ZNF655: variants seen among roughly 807,000 people sequenced by gnomAD.
ZNF655 encodes Vav-interacting Kruppel-like protein 1.
Under a neutral mutation model 6.6 loss-of-function variants are expected in ZNF655, and 3 were observed. That is an observed-to-expected ratio of 0.46 (90% confidence interval 0.21 to 1.18). The LOEUF is 1.18. ZNF655 is among the 50% of genes most tolerant of loss of function. The probability of loss-of-function intolerance (pLI) is 0.24; values close to 1 mark genes in which losing one functional copy is unlikely to be tolerated. For missense variants in ZNF655, 526 were observed against 572.3 expected (o/e 0.92, Z 0.83); for synonymous variants, 178 against 195.0 (o/e 0.91, Z 0.73).
At chr7:99,565,741 T>G (rs769202884) in intron 2 of ZNF655, among the ~76,000 whole-genome samples, 2 of 152,210 alleles carry the variant, frequency 1.3e-5, no homozygotes, top group Non-Finnish European at 2.9e-5. Flanking sequence ...CATGGGTAAG[T>G]GTGGCAGGTG....
intron 2 of ZNF655, chr7:99,571,668 AT>A: frequency 6.3e-7 from 1 of 1,581,382 alleles, no homozygotes; most frequent in East Asian, 2.3e-5. Flanking sequence ...GCCACATCCC[AT>A]TTCCTTCTCT....
chr7:99,561,825 T>A, intron 2 of ZNF655: 2 of 1,190,534 alleles, frequency 1.7e-6, no homozygotes, highest in Non-Finnish European at 2.2e-6. Flanking sequence ...TGGAGAGGCC[T>A]CCTCTGAAAG....
rs1562938902 is a variant in ZNF655, at chr7:99,573,083, C to T, written c.975C>T (p.His325=). 4 of 1,614,132 alleles carry T rather than the reference C, an allele frequency of 2.5e-6. No homozygotes were observed. The highest frequency in any genetic ancestry group is 1.7e-6 in the Non-Finnish European group (2 of 1,179,994). The change falls in exon 3 of 3, where the codon CAC becomes CAT. Residue 325 remains histidine (H), a synonymous_variant. Coordinates refer to ENST00000252713, the MANE Select transcript of ZNF655 (RefSeq NM_138494.3). ...SVHLTQHQKI[H]KEMPCKCTVC... ...ACCTTACTCAACATCAGAAAATTCACAAAGAGATGCCCTGTAAGTGTACTG... is the reference window on the plus strand; with the variant it reads ...ACCTTACTCAACATCAGAAAATTCATAAAGAGATGCCCTGTAAGTGTACTG...
chr7:99,560,587 G>A lies in ZNF655; in HGVS notation c.28G>A (p.Ala10Thr). Residue 10 changes from alanine to threonine, a missense_variant, in exon 2 of 3, where the codon GCA becomes ACA. Transcript: ENST00000252713. MEEIPAQEA[A>T]GSPRVQFQSL... ...GGAGGAAATACCAGCCCAGGAAGCAGCAGGGTCACCAAGGGTCCAGTTTCA... is the reference window on the plus strand; with the variant it reads ...GGAGGAAATACCAGCCCAGGAAGCAACAGGGTCACCAAGGGTCCAGTTTCA... 6.2e-7 allele frequency: 1 copy of A among 1,614,212 alleles called. No individual in the cohort carries two copies. The highest frequency in any genetic ancestry group is 8.5e-7 in the Non-Finnish European group (1 of 1,180,032).
Position 99,573,691 on chromosome 7 carries a change from G to T in ZNF655, c.*107G>T. 1 of 1,310,112 alleles carries T rather than the reference G, an allele frequency of 7.6e-7. No individual in the cohort carries two copies. The highest frequency in any genetic ancestry group is 1.0e-6 in the Non-Finnish European group (1 of 960,314). The allele number at this position is 1,310,112 out of a possible 1,614,324, so 81.2% of individuals were successfully genotyped here. A position where few individuals can be genotyped will look rare whatever the true frequency, so the allele number is the denominator to read the frequency against. ...TGTACTGCATGTGGTAAAGCCTTCA[G>T]TCATAGCTCAGCCATTGCTCAGCAT... On this transcript the variant is annotated 3_prime_UTR_variant, in exon 3 of 3. Coordinates refer to ENST00000252713, the MANE Select transcript of ZNF655 (RefSeq NM_138494.3).
rs997754899 is a variant in ZNF655, at chr7:99,560,402, G to A, written c.-27-131G>A. On this transcript the variant is annotated intron_variant, in intron 1 of 2. Coordinates refer to ENST00000252713, the MANE Select transcript of ZNF655 (RefSeq NM_138494.3). ...CCCATTTTTCTGTTACTTATTTAGGGTGGTTAATCATTATCAACTAATTTT... is the reference window on the plus strand; with the variant it reads ...CCCATTTTTCTGTTACTTATTTAGGATGGTTAATCATTATCAACTAATTTT... The A allele has an allele frequency of 8.9e-6, 8 of 897,080 alleles. No individual in the cohort carries two copies. In the African/African-American group the frequency reaches 1.4e-4, roughly 15 times the overall value. 55.6% of individuals were successfully genotyped at this position (897,080 alleles called of 1,614,324 possible).
Position 99,573,657 on chromosome 7 carries a change from AATC to A in ZNF655, c.*76_*78del. ...CATCTGAGAGTTCACACCAGGGAGA[AATC>A]ATGTATGTACTGCATGTGGTAAAGC... On this transcript the variant is annotated 3_prime_UTR_variant, in exon 3 of 3. Transcript: ENST00000252713. The A allele has an allele frequency of 1.3e-6, 2 of 1,520,786 alleles. No individual in the cohort carries two copies. Among genetic ancestry groups the A allele is most frequent in the East Asian group, 2.3e-5 (1 of 44,410 alleles). 94.2% of individuals were successfully genotyped at this position (1,520,786 alleles called of 1,614,324 possible).
Position 99,576,117 on chromosome 7 carries a change from T to G in ZNF655, c.*2533T>G, listed in dbSNP as rs529998412. 1.4e-4 allele frequency: 21 copies of G among 152,294 alleles called. No individual in the cohort carries two copies. Among genetic ancestry groups the G allele is most frequent in the Non-Finnish European group, 2.6e-4 (18 of 68,046 alleles). The allele number at this position is 152,294 out of a possible 1,614,324, so 9.4% of individuals were successfully genotyped here. Reference sequence around the variant, plus strand: ...TAAAAATATGTTGCTCACTCTATAATCCTCCTATGGCTAACCTCTAGGATA... The same window carrying G: ...TAAAAATATGTTGCTCACTCTATAAGCCTCCTATGGCTAACCTCTAGGATA... On this transcript the variant is annotated 3_prime_UTR_variant, in exon 3 of 3. Transcript: ENST00000252713.
At chr7:99,569,104 C>G (rs983613216) in intron 2 of ZNF655, among the ~76,000 whole-genome samples, 2 of 152,256 alleles carry the variant, frequency 1.3e-5, no homozygotes, top group Admixed American at 1.3e-4. Context: ...TTTTAATTAA[C>G]ACTTCTGCGA....
chr7:99,561,438 G>A (rs1419606852), intron 2 of ZNF655, among the ~76,000 whole-genome samples: 1 of 152,160 alleles, frequency 6.6e-6, no homozygotes, highest in Non-Finnish European at 1.5e-5. Context: ...ACCCTTTCTT[G>A]TTCTTGGGGG....
rs374232522 is a variant in ZNF655, at chr7:99,564,068, A to G, written c.136+3373A>G. 8.8e-6 allele frequency: 14 copies of G among 1,591,614 alleles called. No homozygotes were observed. The African/African-American group carries it at 1.5e-4, about 17-fold the overall frequency. On this transcript the variant is annotated intron_variant, in intron 2 of 2. Coordinates refer to ENST00000252713, the MANE Select transcript of ZNF655 (RefSeq NM_138494.3). ...CTTTTCCACGATTGTGAGATATTAAAATTGACTGATGGAATAGAAGCTCCC... is the reference window on the plus strand; with the variant it reads ...CTTTTCCACGATTGTGAGATATTAAGATTGACTGATGGAATAGAAGCTCCC...
At chr7:99,564,731 A>G in intron 2 of ZNF655, 1 of 984,828 alleles carries the variant, frequency 1.0e-6, no homozygotes, top group South Asian at 4.7e-5. Context: ...GAGTAAAGAA[A>G]CTTTGTAGCA....
chr7:99,573,221 A>C lies in ZNF655; in HGVS notation c.1113A>C (p.Gln371His). The C allele has an allele frequency of 6.2e-7, 1 of 1,614,188 alleles. No homozygotes were observed. The highest frequency in any genetic ancestry group is 2.2e-5 in the East Asian group (1 of 44,874). ...ATGGGTTGGCCTATATTAAACAACAAGGAATTCATTTCAGAGAAAAGCCCT... is the reference window on the plus strand; with the variant it reads ...ATGGGTTGGCCTATATTAAACAACACGGAATTCATTTCAGAGAAAAGCCCT... ...DEYGLAYIKQQGIHFREKPYT... is the reference protein window; with the variant it reads ...DEYGLAYIKQHGIHFREKPYT... The change falls in exon 3 of 3, where the codon CAA becomes CAC. Residue 371 changes from glutamine to histidine, a missense_variant. By Grantham distance (24) the Gln-to-His change is conservative. Transcript: ENST00000252713.
intron 2 of ZNF655, among the ~76,000 whole-genome samples, chr7:99,569,068 A>G (rs1327888475): frequency 2.6e-5 from 4 of 152,164 alleles, no homozygotes. Flanking sequence ...TACAGGTGTG[A>G]GCTTCTGTGC....
At position 99,573,695 on chromosome 7, in the gene ZNF655, T is replaced by C; in HGVS notation, c.*111T>C. ...CTGCATGTGGTAAAGCCTTCAGTCA[T>C]AGCTCAGCCATTGCTCAGCATCAGA... On this transcript the variant is annotated 3_prime_UTR_variant, in exon 3 of 3. Coordinates refer to ENST00000252713, the MANE Select transcript of ZNF655 (RefSeq NM_138494.3). 7.9e-7 allele frequency: 1 copy of C among 1,266,868 alleles called. No homozygotes were observed. Among genetic ancestry groups the C allele is most frequent in the Non-Finnish European group, 1.1e-6 (1 of 922,178 alleles). The allele number at this position is 1,266,868 out of a possible 1,614,324, so 78.5% of individuals were successfully genotyped here.
chr7:99,571,534 G>T, intron 2 of ZNF655: 1 of 1,029,916 alleles, frequency 9.7e-7, no homozygotes, highest in Non-Finnish European at 1.3e-6. Context: ...TGAGCTCCTT[G>T]TAGATCTTTG....
At chr7:99,571,961 C>T (rs764693438) in intron 2 of ZNF655, among the ~76,000 whole-genome samples, 1 of 152,088 alleles carries the variant, frequency 6.6e-6, no homozygotes, top group Non-Finnish European at 1.5e-5. Context: ...GTTTAGTATC[C>T]GTGCACATGT....
chr7:99,572,744 T>C lies in ZNF655; in HGVS notation c.636T>C (p.Tyr212=), dbSNP rs1348757128. The C allele has an allele frequency of 6.2e-7, 1 of 1,613,026 alleles. No homozygotes were observed. The highest frequency in any genetic ancestry group is 8.5e-7 in the Non-Finnish European group (1 of 1,179,908). ...WESIPNTEKS[Y]KCDVCGKIFH... ...GCATCCCTAACACTGAGAAATCCTA[T>C]AAATGTGATGTATGTGGGAAAATTT... The change falls in exon 3 of 3, where the codon TAT becomes TAC. Residue 212 remains tyrosine (Y), a synonymous_variant. Transcript: ENST00000252713.
At position 99,561,859 on chromosome 7, in the gene ZNF655, T is replaced by C. The variant is rs911195462; in HGVS notation, c.136+1164T>C. Reference sequence around the variant, plus strand: ...AGGGAGCCCTGGGAAAGGGCTGCTCTCACTCTTCACTCCTTTCTCCTCCCT... The same window carrying C: ...AGGGAGCCCTGGGAAAGGGCTGCTCCCACTCTTCACTCCTTTCTCCTCCCT... On this transcript the variant is annotated intron_variant, in intron 2 of 2. Coordinates refer to ENST00000252713, the MANE Select transcript of ZNF655 (RefSeq NM_138494.3). The C allele has an allele frequency of 2.8e-6, 4 of 1,430,234 alleles. No individual in the cohort carries two copies. The African/African-American group carries it at 4.4e-5, about 16-fold the overall frequency. The allele number at this position is 1,430,234 out of a possible 1,614,324, so 88.6% of individuals were successfully genotyped here.
Sources: allele counts gnomAD v4.1 joint callset (sites outside exome capture counted in the v4.1 genomes callset), GRCh38; gene constraint gnomAD v4.1.1; transcripts MANE v1.5; gene names NCBI Gene and HGNC (gene_info 2026-07-23, HGNC 2026-07-21).